Variants in ULK4 observed in about 807,000 individuals in gnomAD.
ULK4 encodes unc-51 like kinase 4.
Under a neutral mutation model 160.6 loss-of-function variants are expected in ULK4, and 133 were observed. The ratio of observed to expected loss-of-function variants is 0.83; its 90% CI spans 0.72 to 0.96. The LOEUF (loss-of-function observed/expected upper bound fraction) is 0.96. Among genes scored for constraint, ULK4 ranks in the 40% least tolerant of loss-of-function variants. The pLI is 0.00. For synonymous variants in ULK4, 534 were observed against 539.8 expected, an observed-to-expected ratio of 0.99 and a Z score of 0.15; for missense variants, 1,580 against 1,499.5, an observed-to-expected ratio of 1.05 and a Z score of -0.89.
chr3:41,773,470 A>C (rs2039483108), intron 21 of ULK4, among the ~76,000 whole-genome samples: 1 of 152,182 alleles, frequency 6.6e-6, no homozygotes, highest in Non-Finnish European at 1.5e-5. Context: ...TCCCATTCAC[A>C]ATTGCTTCAA....
chr3:41,584,333 C>T (rs1451704582), intron 31 of ULK4, among the ~76,000 whole-genome samples: 1 of 152,048 alleles, frequency 6.6e-6, no homozygotes, highest in African/African-American at 2.4e-5. Flanking sequence ...ACTCTGTCAC[C>T]CAAGCTGGAG....
chr3:41,815,683 C>A (rs2040942099), intron 19 of ULK4, among the ~76,000 whole-genome samples: 1 of 152,084 alleles, frequency 6.6e-6, no homozygotes. Flanking sequence ...AGTTATTGTT[C>A]ACATCTTTTA....
At chr3:41,464,348 C>G (rs904157772) in intron 32 of ULK4, among the ~76,000 whole-genome samples, 2 of 152,072 alleles carry the variant, frequency 1.3e-5, no homozygotes, top group African/African-American at 4.8e-5. Flanking sequence ...AGTTATACCT[C>G]CTGTGGCCAA....
rs563081999 is a variant in ULK4 at position 41,356,984 on chromosome 3, G to A, written c.3678+41095C>T. Among the ~76,000 whole-genome samples the A allele has an allele frequency of 5.3e-5, 8 of 152,318 alleles. No homozygotes were observed. The South Asian group carries it at 1.2e-3, about 24-fold the overall frequency. The stretch of plus-strand genomic sequence containing the variant: ...TCTGAGGAAGGCAAAAGGTATGATA[G>A]TGAGTCACAAGCAAGAATTTGGGGT... On this transcript the variant is annotated intron_variant, in intron 35 of 36. Transcript: ENST00000301831.
intron 35 of ULK4, among the ~76,000 whole-genome samples, chr3:41,267,385 T>C (rs2125682587): frequency 6.6e-6 from 1 of 152,330 alleles, no homozygotes; most frequent in East Asian, 1.9e-4. Flanking sequence ...GGTGTATATG[T>C]ACCACATTTT....
At position 41,680,821 on chromosome 3, in the gene ULK4, T is replaced by C. The variant is rs993872039; in HGVS notation, c.2978+687A>G. On this transcript the variant is annotated intron_variant, in intron 29 of 36. Coordinates refer to ENST00000301831, the MANE Select transcript of ULK4 (RefSeq NM_017886.4). ...TAATGCATGATACACCATCTAGCAT[T>C]TGTTTGATTTCACAAAATCTTCTTT... Among the ~76,000 whole-genome samples the C allele has an allele frequency of 2.0e-5, 3 of 152,152 alleles. No individual in the cohort carries two copies. The South Asian group carries it at 6.2e-4, about 32-fold the overall frequency.
chr3:41,370,680 C>G (rs866354019), intron 35 of ULK4, among the ~76,000 whole-genome samples: 5 of 152,202 alleles, frequency 3.3e-5, no homozygotes, highest in African/African-American at 1.2e-4. Flanking sequence ...AGGAAATTCC[C>G]GCAGGTGCCT....
intron 22 of ULK4, among the ~76,000 whole-genome samples, chr3:41,727,260 G>A (rs1477151637): frequency 1.3e-5 from 2 of 152,182 alleles, no homozygotes; most frequent in East Asian, 1.9e-4. Context: ...TGAGTACAAG[G>A]ATGATGACAT....
chr3:41,793,943 G>T (rs1023407434), intron 20 of ULK4, among the ~76,000 whole-genome samples: 10 of 152,142 alleles, frequency 6.6e-5, no homozygotes, highest in African/African-American at 2.4e-4. Flanking sequence ...GAGCTGCAAG[G>T]ACTAGGGCAG....
At chr3:41,326,719 A>T (rs556836087) in intron 35 of ULK4, among the ~76,000 whole-genome samples, 19 of 152,290 alleles carry the variant, frequency 1.2e-4, no homozygotes, top group African/African-American at 4.1e-4. Flanking sequence ...GTCTCACTTT[A>T]CCTGGATTAG....
At chr3:41,445,946 A>C (rs373820765) in intron 34 of ULK4, among the ~76,000 whole-genome samples, 13,941 of 151,098 alleles carry the variant, frequency 0.092, 1,176 homozygotes, top group East Asian at 0.53. Context: ...CAACCTACAA[A>C]ATGGGAGAAA....
In ULK4 at chr3:41,560,626, T is replaced by C. The variant is rs553347495; in HGVS notation, c.3226+5399A>G. On this transcript the variant is annotated intron_variant, in intron 32 of 36. Coordinates refer to ENST00000301831, the MANE Select transcript of ULK4 (RefSeq NM_017886.4). Reference sequence around the variant, plus strand: ...AGGTATTTTATTCTCTTTGTAGCAATTGTGAATGGGAGTTCACTTATGATT... The same window carrying C: ...AGGTATTTTATTCTCTTTGTAGCAACTGTGAATGGGAGTTCACTTATGATT... 5.3e-5 allele frequency among the ~76,000 whole-genome samples: 8 copies of C among 152,352 alleles called. No homozygotes were observed. The South Asian group carries it at 1.5e-3, about 28-fold the overall frequency.
chr3:41,247,492 A>C (rs7650729), intron 36 of ULK4, among the ~76,000 whole-genome samples: 6,848 of 152,186 alleles, frequency 0.045, 523 homozygotes, highest in African/African-American at 0.16. Context: ...CACATTTAAA[A>C]CTATGTTTAA....
intron 32 of ULK4, among the ~76,000 whole-genome samples, chr3:41,480,967 C>A (rs932693542): frequency 4.6e-5 from 7 of 152,164 alleles, no homozygotes; most frequent in Admixed American, 4.6e-4. Flanking sequence ...CCTCCCATGA[C>A]ATGTGGGGAT....
intron 19 of ULK4, among the ~76,000 whole-genome samples, chr3:41,802,668 T>C (rs1053981281): frequency 2.0e-5 from 3 of 152,142 alleles, no homozygotes; most frequent in Non-Finnish European, 2.9e-5. Flanking sequence ...AGACATAAAA[T>C]GTATGACAAT....
At chr3:41,786,598 CAAAAA>C (rs34207417) in intron 21 of ULK4, among the ~76,000 whole-genome samples, 5 of 64,132 alleles carry the variant, frequency 7.8e-5, no homozygotes, top group Non-Finnish European at 1.5e-4. Flanking sequence ...ATCCTGTCTC[CAAAAA>C]AAAAAAAAAA....
chr3:41,441,903 T>C (rs2125857382), intron 34 of ULK4, among the ~76,000 whole-genome samples: 1 of 152,336 alleles, frequency 6.6e-6, no homozygotes, highest in Non-Finnish European at 1.5e-5. Flanking sequence ...GACTATCGTA[T>C]CATTAGGACA....
At chr3:41,912,967 T>C in intron 8 of ULK4, 68 bp from the exon 9 acceptor site, 1 of 1,413,918 alleles carries the variant, frequency 7.1e-7, no homozygotes, top group African/African-American at 1.4e-5. Context: ...CCAAGACATG[T>C]CCCAATTACA....
intron 35 of ULK4, among the ~76,000 whole-genome samples, chr3:41,322,443 C>T (rs1341217475): frequency 6.6e-6 from 1 of 152,122 alleles, no homozygotes; most frequent in African/African-American, 2.4e-5. Context: ...ATTGAGGTTG[C>T]TGTAGACCCG....
Sources: allele counts gnomAD v4.1 joint callset (sites outside exome capture counted in the v4.1 genomes callset), GRCh38; gene constraint gnomAD v4.1.1; transcripts MANE v1.5; gene names NCBI Gene and HGNC (gene_info 2026-07-23, HGNC 2026-07-21).